Variants in SLC25A31 observed in about 807,000 individuals in gnomAD.
SLC25A31 encodes the protein ADP/ATP translocase 4.
A neutral mutation model predicts 36.2 loss-of-function variants in SLC25A31; 40 were observed. The ratio of observed to expected loss-of-function variants is 1.10; its 90% CI spans 0.86 to 1.44. SLC25A31 has a LOEUF of 1.44. Ranked by LOEUF, SLC25A31 falls within the 40% of genes most tolerant of loss-of-function variation. The pLI is 0.00. For missense variants in SLC25A31, 350 were observed against 397.1 expected (o/e 0.88, Z 1.01); for synonymous variants, 143 against 149.7 (o/e 0.96, Z 0.32).
chr4:127,735,295 G>A (rs1396753473), intron 1 of SLC25A31, among the ~76,000 whole-genome samples: 1 of 152,152 alleles, frequency 6.6e-6, no homozygotes, highest in East Asian at 1.9e-4. Flanking sequence ...TGAGATAATA[G>A]TAAATGGTGG....
At chr4:127,753,310 T>A (rs939004519) in intron 2 of SLC25A31, among the ~76,000 whole-genome samples, 1 of 150,842 alleles carries the variant, frequency 6.6e-6, no homozygotes, top group Non-Finnish European at 1.5e-5. Context: ...CCAAACTCAG[T>A]TGAAGGAAGG....
intron 2 of SLC25A31, among the ~76,000 whole-genome samples, chr4:127,752,117 T>C (rs1294011431): frequency 3.9e-5 from 6 of 152,122 alleles, no homozygotes; most frequent in African/African-American, 9.7e-5. Context: ...GACACATGCA[T>C]ACGTATGTTT....
chr4:127,766,202 C>T (rs1034488112), intron 3 of SLC25A31, among the ~76,000 whole-genome samples: 9 of 146,918 alleles, frequency 6.1e-5, no homozygotes, highest in Non-Finnish European at 1.0e-4. Context: ...CAGTCTTTCT[C>T]TGTCACCCAG....
chr4:127,770,953 T>TC (rs1732347606), intron 5 of SLC25A31, among the ~76,000 whole-genome samples: 1 of 139,370 alleles, frequency 7.2e-6, no homozygotes, highest in African/African-American at 2.8e-5. Context: ...CTTCTTCTTT[T>TC]TTTTTTTTTT....
At chr4:127,754,188 A>G (rs1190436538) in intron 2 of SLC25A31, among the ~76,000 whole-genome samples, 1 of 152,190 alleles carries the variant, frequency 6.6e-6, no homozygotes, top group Non-Finnish European at 1.5e-5. Flanking sequence ...CCCACAGCTA[A>G]CATTATATAC....
intron 1 of SLC25A31, among the ~76,000 whole-genome samples, chr4:127,738,200 C>T (rs1482787620): frequency 6.6e-6 from 1 of 152,210 alleles, no homozygotes; most frequent in East Asian, 1.9e-4. Flanking sequence ...AAGCAATTCT[C>T]ATTCCTCAGC....
intron 5 of SLC25A31, among the ~76,000 whole-genome samples, chr4:127,770,935 C>T (rs1244619610): frequency 6.8e-6 from 1 of 147,042 alleles, no homozygotes; most frequent in Non-Finnish European, 1.5e-5. Context: ...GGTTCCTCCT[C>T]TGTTCTTCTT....
chr4:127,738,683 G>T (rs991411962), intron 1 of SLC25A31, among the ~76,000 whole-genome samples: 1 of 152,098 alleles, frequency 6.6e-6, no homozygotes, highest in South Asian at 2.1e-4. Context: ...TGCCTTGATG[G>T]TCTAAAGCTG....
intron 1 of SLC25A31, among the ~76,000 whole-genome samples, chr4:127,741,573 A>G (rs911796820): frequency 2.6e-5 from 4 of 152,102 alleles, no homozygotes; most frequent in Non-Finnish European, 5.9e-5. Flanking sequence ...ATCCCACTTG[A>G]TTGTGGTGAA....
intron 1 of SLC25A31, among the ~76,000 whole-genome samples, chr4:127,731,339 G>A (rs981255866): frequency 2.4e-4 from 36 of 151,918 alleles, no homozygotes; most frequent in African/African-American, 7.5e-4. Context: ...GACCAAGGGG[G>A]TACTTCGTTC....
chr4:127,735,914 G>T (rs1258367001), intron 1 of SLC25A31, among the ~76,000 whole-genome samples: 1 of 124,682 alleles, frequency 8.0e-6, no homozygotes, highest in Non-Finnish European at 1.6e-5. Flanking sequence ...TTTTGAGACG[G>T]AGTCTCGCTC....
At chr4:127,734,370 G>A (rs550169783) in intron 1 of SLC25A31, among the ~76,000 whole-genome samples, 57 of 152,054 alleles carry the variant, frequency 3.7e-4, no homozygotes, top group African/African-American at 1.2e-3. Flanking sequence ...GACCAGCCTG[G>A]CCAACATGGT....
intron 1 of SLC25A31, among the ~76,000 whole-genome samples, chr4:127,743,396 A>G (rs1731768250): frequency 6.6e-6 from 1 of 152,170 alleles, no homozygotes; most frequent in African/African-American, 2.4e-5. Flanking sequence ...TTGGCTTCCC[A>G]AAGTGCTGGA....
rs1447708864 is a variant in SLC25A31, at chr4:127,773,777, AT to A, written c.*207del. The A allele has an allele frequency of 1.7e-5, 7 of 402,226 alleles. No individual in the cohort carries two copies. Among genetic ancestry groups the A allele is most frequent in the African/African-American group, 1.0e-4 (5 of 48,670 alleles). The allele number at this position is 402,226 out of a possible 1,614,324, so 24.9% of individuals were successfully genotyped here. On this transcript the variant is annotated 3_prime_UTR_variant, in exon 6 of 6. Coordinates refer to ENST00000281154, the MANE Select transcript of SLC25A31 (RefSeq NM_031291.4). ...TTTCCTCCCACTTAGACTCAAACACATTTTAGTGTGATATTTCATTTATTAT... is the reference window on the plus strand; with the variant it reads ...TTTCCTCCCACTTAGACTCAAACACATTTAGTGTGATATTTCATTTATTAT...
At chr4:127,734,595 C>T (rs1409794073) in intron 1 of SLC25A31, among the ~76,000 whole-genome samples, 2 of 145,362 alleles carry the variant, frequency 1.4e-5, no homozygotes, top group Admixed American at 1.4e-4. Flanking sequence ...TCCGTACAGT[C>T]TCATTTTTAC....
At chr4:127,740,259 G>T (rs1321193391) in intron 1 of SLC25A31, among the ~76,000 whole-genome samples, 4 of 152,026 alleles carry the variant, frequency 2.6e-5, no homozygotes, top group East Asian at 1.9e-4. Context: ...CATTATTGGG[G>T]TTTTTTCTTT....
intron 2 of SLC25A31, among the ~76,000 whole-genome samples, chr4:127,758,886 G>C (rs983901411): frequency 4.6e-5 from 7 of 152,176 alleles, no homozygotes; most frequent in Admixed American, 3.9e-4. Context: ...TTGTAGTATA[G>C]TTTGAAGTCA....
chr4:127,763,640 A>G (rs937163115), intron 2 of SLC25A31, among the ~76,000 whole-genome samples: 3 of 152,210 alleles, frequency 2.0e-5, no homozygotes, highest in African/African-American at 4.8e-5. Flanking sequence ...ATGCCATACA[A>G]CTACATTATG....
chr4:127,742,156 T>G (rs1731744192), intron 1 of SLC25A31, among the ~76,000 whole-genome samples: 1 of 152,236 alleles, frequency 6.6e-6, no homozygotes. Flanking sequence ...TCTATTTCAT[T>G]TATTTCTGCC....
Sources: gnomAD v4.1 joint callset for allele counts (sites outside exome capture counted in the v4.1 genomes callset) on GRCh38, gnomAD v4.1.1 for gene constraint, MANE v1.5 for transcripts, NCBI Gene and HGNC (gene_info 2026-07-23, HGNC 2026-07-21) for gene names.